TBC1D22A: variants seen among roughly 807,000 people sequenced by gnomAD.
TBC1D22A encodes TBC1 domain family member 22A, also known as putative GTPase activator.
A neutral mutation model predicts 60.2 loss-of-function variants in TBC1D22A; 38 were observed. The ratio of observed to expected loss-of-function variants is 0.63; its 90% confidence interval spans 0.49 to 0.83. TBC1D22A has a LOEUF of 0.83. TBC1D22A is among the 40% of genes least tolerant of loss of function. The pLI is 0.00. For synonymous variants in TBC1D22A, 302 were observed against 281.7 expected (o/e 1.07, Z -0.72); for missense variants, 628 against 701.0 (o/e 0.90, Z 1.18).
intron 12 of TBC1D22A, among the ~76,000 whole-genome samples, chr22:47,165,977 TA>T (rs1345274204): frequency 1.3e-5 from 2 of 152,198 alleles, no homozygotes; most frequent in Admixed American, 1.3e-4. Context: ...CTTTCTCTGT[TA>T]GGGGAAGAAA....
intron 5 of TBC1D22A, among the ~76,000 whole-genome samples, chr22:46,885,493 G>A (rs918425229): frequency 2.6e-5 from 4 of 152,214 alleles, no homozygotes; most frequent in South Asian, 2.1e-4. Flanking sequence ...GTTCACCTGC[G>A]GGTATGGCAA....
At chr22:46,953,128 A>AT (rs1195287288) in intron 8 of TBC1D22A, among the ~76,000 whole-genome samples, 7 of 146,148 alleles carry the variant, frequency 4.8e-5, no homozygotes, top group South Asian at 4.2e-4. Context: ...ATTATTTGGA[A>AT]TTTTTTTGCA....
At position 46,997,035 on chromosome 22, in the gene TBC1D22A, A is replaced by G. The variant is rs1459991990; in HGVS notation, c.1126-599A>G. Among the ~76,000 whole-genome samples, 4 of 152,134 alleles carry G rather than the reference A, an allele frequency of 2.6e-5. No individual in the cohort carries two copies. The East Asian group carries it at 7.7e-4, about 29-fold the overall frequency. On this transcript the variant is annotated intron_variant, in intron 9 of 12. Transcript: ENST00000337137. ...CCCATTCCTGGGCTGTTTGACTTGA[A>G]ACTGCCCAGGCCCCCTTCCCTTTGA...
chr22:47,021,741 A>G (rs989062406), intron 10 of TBC1D22A, among the ~76,000 whole-genome samples: 1 of 152,272 alleles, frequency 6.6e-6, no homozygotes, highest in Non-Finnish European at 1.5e-5. Context: ...AGTTTATGGT[A>G]ATTGGTTACA....
intron 11 of TBC1D22A, among the ~76,000 whole-genome samples, chr22:47,064,750 C>T (rs1418596781): frequency 1.3e-5 from 2 of 152,164 alleles, no homozygotes; most frequent in South Asian, 2.1e-4. Flanking sequence ...CTAAGTGTCT[C>T]CTGTCTACCA....
chr22:46,847,918 G>GGT (rs58012028), intron 4 of TBC1D22A, among the ~76,000 whole-genome samples: 7,649 of 134,144 alleles, frequency 0.057, 238 homozygotes, highest in African/African-American at 0.11. Context: ...TACCCTAGTG[G>GGT]GTGTGTGTGT....
chr22:46,779,517 C>T (rs1051651102), intron 1 of TBC1D22A, among the ~76,000 whole-genome samples: 1 of 152,172 alleles, frequency 6.6e-6, no homozygotes, highest in African/African-American at 2.4e-5. Flanking sequence ...CCTCGGCCTC[C>T]CAAAGAGCTG....
chr22:46,795,661 C>G (rs751995119), intron 3 of TBC1D22A, among the ~76,000 whole-genome samples: 1 of 152,166 alleles, frequency 6.6e-6, no homozygotes, highest in African/African-American at 2.4e-5. Flanking sequence ...GACAATGATA[C>G]CATATATTGA....
Position 47,037,078 on chromosome 22 carries a change from G to A in TBC1D22A, c.1209G>A (p.Val403=), listed in dbSNP as rs1310955435. 5.0e-6 allele frequency: 8 copies of A among 1,613,488 alleles called. No homozygotes were observed. Among genetic ancestry groups the A allele is most frequent in the Non-Finnish European group, 6.8e-6 (8 of 1,179,690 alleles). ...TGTGTTTGTTTTGTGCAGAGCAAGT[G>A]CACCGGCACCTGGACCAACACGAAG... ...EELVSRIDEQ[V]HRHLDQHEVR... Residue 403 remains valine, a synonymous_variant, in exon 11 of 13, where the codon GTG becomes GTA. Transcript: ENST00000337137.
intron 4 of TBC1D22A, among the ~76,000 whole-genome samples, chr22:46,821,246 G>A (rs1191003750): frequency 4.6e-5 from 7 of 152,034 alleles, no homozygotes; most frequent in Non-Finnish European, 1.0e-4. Context: ...TATAAAGTTA[G>A]TATTGTTATG....
At chr22:47,086,190 C>T (rs945334761) in intron 11 of TBC1D22A, among the ~76,000 whole-genome samples, 4 of 152,166 alleles carry the variant, frequency 2.6e-5, no homozygotes, top group African/African-American at 4.8e-5. Context: ...GCTGGCCGAG[C>T]GCGGTGGCTC....
intron 4 of TBC1D22A, among the ~76,000 whole-genome samples, chr22:46,808,174 A>G (rs2085229264): frequency 6.6e-6 from 1 of 152,106 alleles, no homozygotes; most frequent in South Asian, 2.1e-4. Flanking sequence ...CCTGGCCAAC[A>G]TGGCAAAACC....
intron 1 of TBC1D22A, among the ~76,000 whole-genome samples, chr22:46,769,416 G>A (rs997629601): frequency 6.6e-6 from 1 of 152,234 alleles, no homozygotes; most frequent in East Asian, 1.9e-4. Flanking sequence ...GGCTCTTCAC[G>A]GCTGGACGCC....
intron 4 of TBC1D22A, among the ~76,000 whole-genome samples, chr22:46,810,691 A>C (rs2085342002): frequency 6.6e-6 from 1 of 152,236 alleles, no homozygotes; most frequent in Non-Finnish European, 1.5e-5. Context: ...GGTATTCCTC[A>C]TGCAAAAGAA....
At chr22:46,980,133 A>G (rs1475284123) in intron 9 of TBC1D22A, among the ~76,000 whole-genome samples, 1 of 152,232 alleles carries the variant, frequency 6.6e-6, no homozygotes, top group East Asian at 1.9e-4. Flanking sequence ...AATATTAAGG[A>G]GAATGAAACA....
intron 12 of TBC1D22A, among the ~76,000 whole-genome samples, chr22:47,159,061 CAG>C (rs2067840145): frequency 6.7e-6 from 1 of 150,078 alleles, no homozygotes; most frequent in African/African-American, 2.5e-5. Flanking sequence ...CATGTATACA[CAG>C]ACACCACACA....
At chr22:46,912,427 T>C (rs1357577352) in intron 8 of TBC1D22A, among the ~76,000 whole-genome samples, 1 of 152,236 alleles carries the variant, frequency 6.6e-6, no homozygotes, top group Non-Finnish European at 1.5e-5. Flanking sequence ...TTTAACAATA[T>C]TTGAAGATAG....
intron 12 of TBC1D22A, among the ~76,000 whole-genome samples, chr22:47,163,473 G>A (rs1352021781): frequency 1.3e-5 from 2 of 152,254 alleles, no homozygotes; most frequent in Non-Finnish European, 2.9e-5. Flanking sequence ...TGCATCTGAA[G>A]GTGGTAGGGT....
intron 7 of TBC1D22A, among the ~76,000 whole-genome samples, chr22:46,895,367 GT>G (rs1007621927): frequency 1.3e-5 from 2 of 151,160 alleles, no homozygotes; most frequent in East Asian, 1.9e-4. Context: ...TCTGCCTCTT[GT>G]TTTTTTTTCC....
Sources: allele counts gnomAD v4.1 joint callset (sites outside exome capture counted in the v4.1 genomes callset), GRCh38; gene constraint gnomAD v4.1.1; transcripts MANE v1.5; gene names NCBI Gene and HGNC (gene_info 2026-07-23, HGNC 2026-07-21).